MARCHF10: variants seen among roughly 807,000 people sequenced by gnomAD.
The protein encoded by MARCHF10 is membrane associated ring-CH-type finger 10.
MARCHF10 carries 64 observed loss-of-function variants against 76.2 expected under a neutral mutation model. The observed-to-expected ratio is 0.84, with a 90% CI of 0.69 to 1.03. The LOEUF is 1.03. Among genes scored for constraint, MARCHF10 ranks in the 50% least tolerant of loss-of-function variants. The pLI, the probability that MARCHF10 is intolerant of heterozygous loss-of-function variation, is 0.00. For synonymous variants in MARCHF10, 340 were observed against 357.5 expected (o/e 0.95, Z 0.55); for missense variants, 875 against 958.0 (o/e 0.91, Z 1.14).
chr17:62,754,838 G>A (rs764903141), intron 4 of MARCHF10, among the ~76,000 whole-genome samples: 5 of 152,098 alleles, frequency 3.3e-5, no homozygotes, highest in African/African-American at 7.2e-5. Flanking sequence ...GACTTGCCGC[G>A]AAAACCATTA....
intron 1 of MARCHF10, among the ~76,000 whole-genome samples, chr17:62,803,549 C>T (rs572363860): frequency 1.3e-4 from 19 of 151,806 alleles, no homozygotes; most frequent in African/African-American, 4.3e-4. Flanking sequence ...AGATGGAGTC[C>T]TGCTCTGTCG....
At chr17:62,759,760 C>T (rs980770749) in intron 4 of MARCHF10, 75 bp downstream of exon 4, 16 of 1,480,370 alleles carry the variant, frequency 1.1e-5, no homozygotes, top group East Asian at 4.5e-5. Context: ...CGTGAGCCAC[C>T]GTGCTCGGCC....
intron 8 of MARCHF10, among the ~76,000 whole-genome samples, chr17:62,717,477 C>A (rs142979579): frequency 6.6e-6 from 1 of 152,394 alleles, no homozygotes; most frequent in East Asian, 1.9e-4. Flanking sequence ...CCGCACCCCT[C>A]CTGCTCTGTG....
intron 3 of MARCHF10, among the ~76,000 whole-genome samples, chr17:62,783,186 A>C (rs927403499): frequency 2.1e-5 from 3 of 146,064 alleles, no homozygotes; most frequent in African/African-American, 7.9e-5. Flanking sequence ...TTAGAGGAAA[A>C]ATTGCCAGTT....
Position 62,736,654 on chromosome 17 carries a change from G to A in MARCHF10, c.1214C>T (p.Thr405Ile), listed in dbSNP as rs1053134904. The A allele has an allele frequency of 6.2e-7, 1 of 1,613,980 alleles. No homozygotes were observed. Among genetic ancestry groups the A allele is most frequent in the Admixed American group, 1.7e-5 (1 of 59,990 alleles). ...AACCTCTTGTCTGGGCTCGGATTTGGTGTCCCACGAAAGAGGGCTCTTTTT... is the reference window on the plus strand; with the variant it reads ...AACCTCTTGTCTGGGCTCGGATTTGATGTCCCACGAAAGAGGGCTCTTTTT... ...NAKKSPLSWD[T>I]KSEPRQEVGV... Residue 405 changes from threonine (T) to isoleucine (I), a missense_variant, in exon 6 of 11, where the codon ACC becomes ATC. Coordinates refer to ENST00000311269, the MANE Select transcript of MARCHF10 (RefSeq NM_152598.4).
At position 62,736,797 on chromosome 17, in the gene MARCHF10, G is replaced by A; in HGVS notation, c.1071C>T (p.Ser357=). The A allele has an allele frequency of 6.2e-7, 1 of 1,614,128 alleles. No homozygotes were observed. Among genetic ancestry groups the A allele is most frequent in the Non-Finnish European group, 8.5e-7 (1 of 1,180,022 alleles). Residue 357 remains serine, a synonymous_variant, in exon 6 of 11, where the codon AGC becomes AGT. Transcript: ENST00000311269. ...SEPSHGSLRI[S]NAMEPATERP... is the part of the protein sequence containing the mutation. ...GCTCTGTTGCTGGCTCCATTGCATT[G>A]CTTATTCTCAATGAGCCATGACTGG...
intron 8 of MARCHF10, among the ~76,000 whole-genome samples, chr17:62,718,794 CA>C (rs1443340538): frequency 6.6e-6 from 1 of 152,166 alleles, no homozygotes; most frequent in East Asian, 1.9e-4. Flanking sequence ...CTTCAGGCCT[CA>C]AAACACTATT....
intron 3 of MARCHF10, among the ~76,000 whole-genome samples, chr17:62,781,422 C>T (rs1226614292): frequency 3.3e-5 from 5 of 152,180 alleles, no homozygotes; most frequent in Non-Finnish European, 7.3e-5. Flanking sequence ...GAAGTGCTTG[C>T]AAGTGGTTTG....
At position 62,747,305 on chromosome 17, in the gene MARCHF10, A is replaced by T. The variant is rs539488391; in HGVS notation, c.383-2777T>A. ...GATGGCTTAAGATAAAAGGTTATTT[A>T]ATTTGTTTTCTTGTTCAAAAAAACT... On this transcript the variant is annotated intron_variant, in intron 4 of 10. Coordinates refer to ENST00000311269, the MANE Select transcript of MARCHF10 (RefSeq NM_152598.4). Among the ~76,000 whole-genome samples, 56 of 152,220 alleles carry T rather than the reference A, an allele frequency of 3.7e-4. No individual in the cohort carries two copies. In the South Asian group the frequency reaches 7.3e-3, roughly 20 times the overall value.
chr17:62,739,191 T>C (rs1230915601), intron 5 of MARCHF10, among the ~76,000 whole-genome samples: 1 of 151,958 alleles, frequency 6.6e-6, no homozygotes, highest in Non-Finnish European at 1.5e-5. Context: ...CCCAGCTATT[T>C]GGGAGACTGA....
chr17:62,746,811 GGCA>G, intron 4 of MARCHF10: 1 of 1,184,266 alleles, frequency 8.4e-7, no homozygotes, highest in African/African-American at 1.5e-5. Context: ...ACGCACCCCA[GGCA>G]GCAGAACTTC....
At chr17:62,739,386 T>TC (rs2091417952) in intron 5 of MARCHF10, among the ~76,000 whole-genome samples, 1 of 146,918 alleles carries the variant, frequency 6.8e-6, no homozygotes, top group African/African-American at 2.5e-5. Context: ...GCTGATGACT[T>TC]TTTTTTTTTT....
chr17:62,803,069 T>C (rs2093103489), intron 1 of MARCHF10, among the ~76,000 whole-genome samples: 1 of 152,164 alleles, frequency 6.6e-6, no homozygotes, highest in Admixed American at 6.5e-5. Context: ...GGTGAATCAC[T>C]TGAGCCCAGG....
At chr17:62,789,420 C>CT (rs2092805282) in intron 2 of MARCHF10, among the ~76,000 whole-genome samples, 1 of 152,234 alleles carries the variant, frequency 6.6e-6, no homozygotes, top group South Asian at 2.1e-4. Flanking sequence ...CTGCTGTGGC[C>CT]TTGCCTCTCT....
At chr17:62,803,521 CTTT>C (rs754434279) in intron 1 of MARCHF10, among the ~76,000 whole-genome samples, 28 of 151,726 alleles carry the variant, frequency 1.8e-4, no homozygotes, top group East Asian at 7.8e-4. Flanking sequence ...CATAGCTACT[CTTT>C]TTTATTTTTT....
At chr17:62,727,594 G>A (rs1259832517) in intron 6 of MARCHF10, among the ~76,000 whole-genome samples, 2 of 152,124 alleles carry the variant, frequency 1.3e-5, no homozygotes, top group African/African-American at 4.8e-5. Context: ...ACTGCTTTTA[G>A]GATTAGCTCA....
At chr17:62,705,356 G>A (rs2147540384) in intron 10 of MARCHF10, 183 bp downstream of exon 10, 2 of 1,515,308 alleles carry the variant, frequency 1.3e-6, no homozygotes, top group South Asian at 2.5e-5. Flanking sequence ...TCTGCATCCA[G>A]TGAACTTGGC....
Position 62,705,607 on chromosome 17 carries a change from T to C in MARCHF10, c.2329-26A>G, listed in dbSNP as rs781613623. 5 of 1,612,952 alleles carry C rather than the reference T, an allele frequency of 3.1e-6. No homozygotes were observed. In the East Asian group the frequency reaches 8.9e-5, roughly 29 times the overall value. Reference sequence around the variant, plus strand: ...CTACAAGAAAGAAGACAATGAGAAATGAATTGTTTTTTCCAATACGATTGT... The same window carrying C: ...CTACAAGAAAGAAGACAATGAGAAACGAATTGTTTTTTCCAATACGATTGT... On this transcript the variant is annotated intron_variant, in intron 9 of 10. Transcript: ENST00000311269.
rs1313696896 is a variant in MARCHF10, at chr17:62,759,922, T to C, written c.295A>G (p.Ile99Val). ...AFKCDSKLPA[I>V]DQTSVKQKHK... ...TTCTGCTTGACTGATGTTTGGTCAATTGCTGGAAGTTTGGAGTCACACTTA... is the reference window on the plus strand; with the variant it reads ...TTCTGCTTGACTGATGTTTGGTCAACTGCTGGAAGTTTGGAGTCACACTTA... The change falls in exon 4 of 11, where the codon ATT becomes GTT. Residue 99 changes from isoleucine to valine, a missense_variant. By Grantham distance (29) the Ile-to-Val change is conservative. Coordinates refer to ENST00000311269, the MANE Select transcript of MARCHF10 (RefSeq NM_152598.4). 3 of 1,614,130 alleles carry C rather than the reference T, an allele frequency of 1.9e-6. No individual in the cohort carries two copies. Among genetic ancestry groups the C allele is most frequent in the Non-Finnish European group, 2.5e-6 (3 of 1,180,020 alleles).
Sources: gnomAD v4.1 joint callset for allele counts (sites outside exome capture counted in the v4.1 genomes callset) on GRCh38, gnomAD v4.1.1 for gene constraint, MANE v1.5 for transcripts, NCBI Gene and HGNC (gene_info 2026-07-23, HGNC 2026-07-21) for gene names.